MELK: variants seen among roughly 807,000 people sequenced by gnomAD.
The protein encoded by MELK is pEg3 kinase.
MELK carries 81 observed loss-of-function variants against 85.0 expected under a neutral mutation model. The observed-to-expected ratio is 0.95, with a 90% CI of 0.80 to 1.15. MELK has a LOEUF of 1.15. MELK is among the 50% of genes most tolerant of loss of function. MELK has a pLI of 0.00. For synonymous variants in MELK, 252 were observed against 265.0 expected (o/e 0.95, Z 0.48); for missense variants, 754 against 777.5 (o/e 0.97, Z 0.36).
In MELK at chr9:36,672,528, T is replaced by C. The variant is rs141574965; in HGVS notation, c.1674+1362T>C. 1.8e-3 allele frequency among the ~76,000 whole-genome samples: 272 copies of C among 152,350 alleles called. 1 individual carries two copies. The highest frequency in any genetic ancestry group is 6.3e-3 in the African/African-American group (260 of 41,582). On this transcript the variant is annotated intron_variant, in intron 16 of 17. Coordinates refer to ENST00000298048, the MANE Select transcript of MELK (RefSeq NM_014791.4). ...AGAAACTACTGTGGTGTTAGTTGGC[T>C]TTCTAGGTAGTTCTCCAGTACTTCC... is the stretch of plus-strand genomic sequence containing the variant.
chr9:36,592,467 G>A (rs1302634719), intron 4 of MELK, among the ~76,000 whole-genome samples: 2 of 151,958 alleles, frequency 1.3e-5, no homozygotes, highest in Admixed American at 6.6e-5. Context: ...GTGAGCCACC[G>A]CGCCCGGCCC....
intron 9 of MELK, 140 bp downstream of exon 9, chr9:36,630,507 CCTTT>C (rs1828447906): frequency 3.1e-6 from 2 of 646,080 alleles, no homozygotes; most frequent in Non-Finnish European, 5.4e-6. Flanking sequence ...TCTATTAGAT[CCTTT>C]CTTAATTATG....
At chr9:36,641,194 G>A (rs1829721867) in intron 10 of MELK, among the ~76,000 whole-genome samples, 1 of 152,196 alleles carries the variant, frequency 6.6e-6, no homozygotes, top group Non-Finnish European at 1.5e-5. Flanking sequence ...ATTTCTGAAA[G>A]GCTCTTTTAG....
At chr9:36,620,479 T>C (rs1037409239) in intron 8 of MELK, among the ~76,000 whole-genome samples, 1 of 152,054 alleles carries the variant, frequency 6.6e-6, no homozygotes, top group African/African-American at 2.4e-5. Context: ...CAGCTCTGAG[T>C]AGCTATAAGT....
chr9:36,595,275 A>G (rs978262430), intron 5 of MELK, among the ~76,000 whole-genome samples: 7 of 151,956 alleles, frequency 4.6e-5, no homozygotes, highest in African/African-American at 1.4e-4. Context: ...GGCTGGGACT[A>G]CAGGCGCCTG....
At chr9:36,574,631 A>G (rs796345478) in intron 1 of MELK, among the ~76,000 whole-genome samples, 6 of 151,784 alleles carry the variant, frequency 4.0e-5, no homozygotes, top group African/African-American at 1.4e-4. Flanking sequence ...AACCCAAAAA[A>G]CCATTCTGTA....
intron 8 of MELK, 31 bp from the exon 9 acceptor site, chr9:36,630,268 C>T: frequency 6.4e-7 from 1 of 1,554,826 alleles, no homozygotes; most frequent in Non-Finnish European, 8.9e-7. Flanking sequence ...GCTGATTGAA[C>T]CTGAATCTCT....
chr9:36,628,135 G>A (rs539615430), intron 8 of MELK, among the ~76,000 whole-genome samples: 10 of 148,162 alleles, frequency 6.7e-5, no homozygotes, highest in Non-Finnish European at 1.2e-4. Context: ...TCCTGACCTC[G>A]GCCTTCCAAA....
chr9:36,631,723 C>T (rs1217651461), intron 9 of MELK, among the ~76,000 whole-genome samples: 2 of 152,138 alleles, frequency 1.3e-5, no homozygotes, highest in East Asian at 1.9e-4. Flanking sequence ...CACTGGTATA[C>T]ACCACCACAC....
At chr9:36,609,378 G>A (rs1377768963) in intron 8 of MELK, among the ~76,000 whole-genome samples, 3 of 151,696 alleles carry the variant, frequency 2.0e-5, no homozygotes, top group South Asian at 2.1e-4. Flanking sequence ...AGAACATCTT[G>A]TGTTCCATAG....
At chr9:36,637,884 A>G (rs1829363292) in intron 10 of MELK, among the ~76,000 whole-genome samples, 1 of 152,228 alleles carries the variant, frequency 6.6e-6, no homozygotes, top group African/African-American at 2.4e-5. Flanking sequence ...CCCCAGCCCT[A>G]CATGACATCT....
intron 10 of MELK, among the ~76,000 whole-genome samples, chr9:36,633,901 C>T (rs2151644): frequency 0.23 from 34,443 of 152,082 alleles, 6,339 homozygotes; most frequent in African/African-American, 0.51. Context: ...AAGAAAAATT[C>T]TAATAGCCAT....
intron 7 of MELK, among the ~76,000 whole-genome samples, chr9:36,602,210 G>C (rs1015389377): frequency 5.3e-5 from 8 of 152,034 alleles, no homozygotes; most frequent in Non-Finnish European, 7.4e-5. Flanking sequence ...AGTTTCACAT[G>C]GGCTGGGCGC....
At chr9:36,601,943 T>C (rs1442714841) in intron 7 of MELK, among the ~76,000 whole-genome samples, 5 of 152,236 alleles carry the variant, frequency 3.3e-5, no homozygotes, top group Non-Finnish European at 7.3e-5. Flanking sequence ...TGTATGTATA[T>C]ACCACATTTT....
At chr9:36,659,140 C>T (rs1357073533) in intron 13 of MELK, among the ~76,000 whole-genome samples, 1 of 152,074 alleles carries the variant, frequency 6.6e-6, no homozygotes, top group Non-Finnish European at 1.5e-5. Flanking sequence ...CTCGGCCTCC[C>T]AAAGTGCTGG....
intron 3 of MELK, 137 bp from the exon 4 acceptor site, chr9:36,589,399 C>T (rs1227149533): frequency 2.4e-5 from 15 of 630,862 alleles, no homozygotes; most frequent in Middle Eastern, 2.6e-4. Flanking sequence ...CCGCCCGCCT[C>T]GGCCTCCCAA....
At chr9:36,619,112 C>T (rs892597770) in intron 8 of MELK, among the ~76,000 whole-genome samples, 1 of 152,146 alleles carries the variant, frequency 6.6e-6, no homozygotes, top group Non-Finnish European at 1.5e-5. Flanking sequence ...GCGTGTACCA[C>T]TACACCTGGC....
intron 10 of MELK, among the ~76,000 whole-genome samples, chr9:36,636,790 G>GTCTGTCTT (rs1475022442): frequency 5.1e-3 from 347 of 67,672 alleles, no homozygotes; most frequent in East Asian, 0.013. Context: ...CTTTCTGTCT[G>GTCTGTCTT]TCTTTCTTTC....
chr9:36,600,130 G>C (rs1056123127), intron 7 of MELK, among the ~76,000 whole-genome samples: 1 of 150,580 alleles, frequency 6.6e-6, no homozygotes, highest in Admixed American at 6.6e-5. Flanking sequence ...GTCTCACTCT[G>C]TCACCCAGGC....
Sources: gnomAD v4.1 joint callset for allele counts (sites outside exome capture counted in the v4.1 genomes callset) on GRCh38, gnomAD v4.1.1 for gene constraint, MANE v1.5 for transcripts, NCBI Gene and HGNC (gene_info 2026-07-23, HGNC 2026-07-21) for gene names.